The following POM121 variants were observed in gnomAD, a reference collection of about 807,000 sequenced individuals.
POM121 encodes POM121 transmembrane nucleoporin, also known as nuclear envelope pore membrane protein POM 121.
Under a neutral mutation model 81.3 loss-of-function variants are expected in POM121, and 32 were observed. The ratio of observed to expected loss-of-function variants is 0.39; its 90% CI spans 0.30 to 0.53. The LOEUF is 0.53. Among genes scored for constraint, POM121 ranks in the 20% least tolerant of loss-of-function variants. POM121 has a pLI of 0.66. For synonymous variants in POM121, 514 were observed against 694.2 expected (o/e 0.74, Z 4.08); for missense variants, 1,138 against 1,614.6 (o/e 0.70, Z 5.06).
upstream of POM121, among the ~76,000 whole-genome samples, chr7:72,920,594 TC>T (rs1280892177): frequency 2.6e-5 from 4 of 152,132 alleles, no homozygotes; most frequent in East Asian, 7.7e-4. Context: ...GACCTCATGA[TC>T]CGCCCGCCTT....
At position 72,943,492 on chromosome 7, in the gene POM121, A is replaced by T; in HGVS notation, c.3499A>T (p.Ser1167Cys). ...QSTPFAFNVS[S>C]TTESKPVFGG... ...CACACCGTTTGCCTTCAACGTGAGC[A>T]GCACAACTGAGAGCAAACCTGTGTT... The change falls in exon 11 of 13, where the codon AGC becomes TGC. Residue 1167 changes from serine (S) to cysteine (C), a missense_variant. Coordinates refer to ENST00000434423, the MANE Select transcript of POM121 (RefSeq NM_001387691.1). 2 of 1,612,518 alleles carry T rather than the reference A, an allele frequency of 1.2e-6. No individual in the cohort carries two copies. The highest frequency in any genetic ancestry group is 1.7e-6 in the Non-Finnish European group (2 of 1,179,862).
chr7:72,898,310 T>A (rs1311067641), intron 3 of POM121, among the ~76,000 whole-genome samples: 1 of 152,146 alleles, frequency 6.6e-6, no homozygotes, highest in Non-Finnish European at 1.5e-5. Flanking sequence ...CCCAGGCTGG[T>A]CTCAAACTCC....
chr7:72,947,907 G>A lies in POM121; in HGVS notation c.*1673G>A, dbSNP rs1163616905. ...CGGGGCTGCTCCTTCCCACCCCTCA[G>A]AACAGCTCTGATCCTCGTTAATACC... On this transcript the variant is annotated 3_prime_UTR_variant, in exon 13 of 13. Transcript: ENST00000434423. The A allele has an allele frequency of 1.1e-5, 11 of 1,014,402 alleles. No individual in the cohort carries two copies. The highest frequency in any genetic ancestry group is 1.7e-5 in the African/African-American group (1 of 57,874). 62.8% of individuals were successfully genotyped at this position (1,014,402 alleles called of 1,614,324 possible).
upstream of POM121, among the ~76,000 whole-genome samples, chr7:72,923,921 A>T (rs1795090068): frequency 7.1e-6 from 1 of 140,590 alleles, no homozygotes; most frequent in South Asian, 2.3e-4. Context: ...TTTTCCTGTT[A>T]TCACACTGAT....
downstream of POM121, chr7:72,950,403 G>A (rs1797973233): frequency 3.4e-6 from 2 of 586,944 alleles, no homozygotes; most frequent in Non-Finnish European, 6.1e-6. Context: ...CCAGCAGTGG[G>A]AGCCTGGGCA....
chr7:72,922,586 C>T (rs183788847), upstream of POM121, among the ~76,000 whole-genome samples: 101 of 151,110 alleles, frequency 6.7e-4, 1 homozygote, highest in Admixed American at 5.1e-3. Flanking sequence ...AGACTGGGTT[C>T]TATCATGTTG....
At chr7:72,941,213 C>T (rs1271146186) in intron 10 of POM121, among the ~76,000 whole-genome samples, 3 of 151,674 alleles carry the variant, frequency 2.0e-5, no homozygotes, top group Non-Finnish European at 2.9e-5. Flanking sequence ...AAGCCTGGCT[C>T]GTAGCTGCCC....
At chr7:72,945,953 T>C (rs573582929) in intron 12 of POM121, among the ~76,000 whole-genome samples, 184 bp from the exon 13 acceptor site, 1 of 152,226 alleles carries the variant, frequency 6.6e-6, no homozygotes, top group African/African-American at 2.4e-5. Flanking sequence ...GGCCTCGCTC[T>C]GAGACTCTCT....
At chr7:72,914,571 G>A (rs372749885) in intron 4 of POM121, among the ~76,000 whole-genome samples, 3 of 150,378 alleles carry the variant, frequency 2.0e-5, no homozygotes, top group Non-Finnish European at 2.9e-5. Flanking sequence ...ATAGGGTCTC[G>A]CCGTATTGCT....
chr7:72,944,192 G>A (rs1797426848), intron 11 of POM121, among the ~76,000 whole-genome samples: 1 of 151,970 alleles, frequency 6.6e-6, no homozygotes, highest in Admixed American at 6.6e-5. Context: ...GAGGGCAGGA[G>A]CTAAAGCAGT....
chr7:72,905,165 C>G (rs1461471079), intron 3 of POM121, among the ~76,000 whole-genome samples: 1 of 152,176 alleles, frequency 6.6e-6, no homozygotes, highest in African/African-American at 2.4e-5. Flanking sequence ...GGGATGGGGA[C>G]TTGGAGATAC....
chr7:72,921,165 C>A (rs1312739265), upstream of POM121, among the ~76,000 whole-genome samples: 1 of 152,066 alleles, frequency 6.6e-6, no homozygotes, highest in Non-Finnish European at 1.5e-5. Context: ...ACCTGGGCAA[C>A]GAGCAACAGG....
At chr7:72,925,008 G>A, upstream of POM121, 1 of 1,326,698 alleles carries the variant, frequency 7.5e-7, no homozygotes, top group Non-Finnish European at 9.6e-7. Context: ...GGCGCTGCCG[G>A]GCGGTAGCGT....
intron 1 of POM121, among the ~76,000 whole-genome samples, chr7:72,886,215 C>G (rs1244745506): frequency 6.6e-6 from 1 of 151,850 alleles, no homozygotes; most frequent in Non-Finnish European, 1.5e-5. Context: ...ACTCTGTCCC[C>G]CAGGCTGGAG....
chr7:72,915,081 A>T (rs1246007079), intron 4 of POM121, among the ~76,000 whole-genome samples: 3 of 152,210 alleles, frequency 2.0e-5, no homozygotes, highest in African/African-American at 7.2e-5. Flanking sequence ...CAATTTTGTT[A>T]GCAACAATCT....
chr7:72,914,185 A>T (rs1554494762), intron 4 of POM121, among the ~76,000 whole-genome samples: 1 of 152,222 alleles, frequency 6.6e-6, no homozygotes, highest in Non-Finnish European at 1.5e-5. Flanking sequence ...AGGAGGGGCC[A>T]CATGGACAGG....
chr7:72,945,597 C>G lies in POM121; in HGVS notation c.3541C>G (p.Pro1181Ala), dbSNP rs1797607087. 1 of 1,613,262 alleles carries G rather than the reference C, an allele frequency of 6.2e-7. No homozygotes were observed. Among genetic ancestry groups the G allele is most frequent in the African/African-American group, 1.3e-5 (1 of 74,888 alleles). ...SKPVFGGTAT[P>A]TFGLNTPAPG... is the part of the protein sequence containing the mutation. ...TCTCTTCATTCCAGGCACCGCCACCCCCACCTTTGGTCTGAACACCCCTGC... is the reference window on the plus strand; with the variant it reads ...TCTCTTCATTCCAGGCACCGCCACCGCCACCTTTGGTCTGAACACCCCTGC... The change falls in exon 12 of 13, where the codon CCC becomes GCC. Residue 1181 changes from proline (P) to alanine (A), a missense_variant. Pro to Ala is a conservative substitution (Grantham distance 27). Coordinates refer to ENST00000434423, the MANE Select transcript of POM121 (RefSeq NM_001387691.1).
intron 5 of POM121, among the ~76,000 whole-genome samples, chr7:72,934,681 A>G (rs186175001): frequency 7.2e-5 from 11 of 152,234 alleles, no homozygotes; most frequent in East Asian, 5.8e-4. Flanking sequence ...TGGAATCAAA[A>G]TTAGTTTTTT....
chr7:72,924,167 C>G (rs1456897256), upstream of POM121, among the ~76,000 whole-genome samples: 3 of 147,980 alleles, frequency 2.0e-5, no homozygotes, highest in African/African-American at 5.0e-5. Context: ...AGGATGGTCT[C>G]GATCTCCTGA....
Sources: allele counts gnomAD v4.1 joint callset (sites outside exome capture counted in the v4.1 genomes callset), GRCh38; gene constraint gnomAD v4.1.1; transcripts MANE v1.5; gene names NCBI Gene and HGNC (gene_info 2026-07-23, HGNC 2026-07-21).